The following RPH3A variants were observed in gnomAD, a reference collection of about 807,000 sequenced individuals.
The protein encoded by RPH3A is rabphilin-3A.
A neutral mutation model predicts 102.2 loss-of-function variants in RPH3A; 48 were observed. The observed-to-expected ratio is 0.47, with a 90% confidence interval of 0.37 to 0.60. The LOEUF is 0.60. Among genes scored for constraint, RPH3A ranks in the 20% least tolerant of loss-of-function variants. The pLI, the probability that RPH3A is intolerant of heterozygous loss-of-function variation, is 0.00. For missense variants in RPH3A, 781 were observed against 910.1 expected (o/e 0.86, Z 1.83); for synonymous variants, 310 against 324.3 (o/e 0.96, Z 0.47).
chr12:112,775,659 T>G (rs1223244112), intron 1 of RPH3A, among the ~76,000 whole-genome samples: 1 of 152,092 alleles, frequency 6.6e-6, no homozygotes. Context: ...GAGGGAACCA[T>G]GGACAAGGCA....
chr12:112,605,005 A>G (rs2039584903), intron 1 of RPH3A, among the ~76,000 whole-genome samples: 1 of 152,110 alleles, frequency 6.6e-6, no homozygotes, highest in Admixed American at 6.6e-5. Context: ...AGGGGAGGAG[A>G]ATTCAAGGGG....
intron 1 of RPH3A, among the ~76,000 whole-genome samples, chr12:112,775,175 A>G (rs1006217859): frequency 3.3e-5 from 5 of 152,304 alleles, no homozygotes; most frequent in East Asian, 1.9e-4. Context: ...TACCTATGTA[A>G]CAAAGCTGTA....
chr12:112,887,661 GATAA>G, intron 16 of RPH3A, 132 bp from the exon 17 acceptor site: 5 of 986,496 alleles, frequency 5.1e-6, no homozygotes, highest in Non-Finnish European at 7.4e-6. Context: ...TTGGTCCAGT[GATAA>G]ATAAACAGGA....
Position 112,869,810 on chromosome 12 carries a change from G to T in RPH3A, c.649+13G>T. 6.2e-7 allele frequency: 1 copy of T among 1,614,164 alleles called. No individual in the cohort carries two copies. Among genetic ancestry groups the T allele is most frequent in the Non-Finnish European group, 8.5e-7 (1 of 1,180,026 alleles). On this transcript the variant is annotated intron_variant, in intron 9 of 21. Coordinates refer to ENST00000389385, the MANE Select transcript of RPH3A (RefSeq NM_001143854.2). Reference sequence around the variant, plus strand: ...GGTCAGAAGACAGGTGGGTTCTGCTGACTCTGTTTTGTCATTTGAGACACG... The same window carrying T: ...GGTCAGAAGACAGGTGGGTTCTGCTTACTCTGTTTTGTCATTTGAGACACG...
chr12:112,876,829 G>A lies in RPH3A; in HGVS notation c.1134G>A (p.Glu378=). 6.2e-7 allele frequency: 1 copy of A among 1,608,908 alleles called. No homozygotes were observed. Among genetic ancestry groups the A allele is most frequent in the Non-Finnish European group, 8.5e-7 (1 of 1,177,144 alleles). ...GCCAGCCACCACCCCCAGAGGAGGA[G>A]GAAGAGGAAGCCAACAGCTACGATT... ...AARQPPPPEE[E]EEEANSYDSD... The change falls in exon 13 of 22, where the codon GAG becomes GAA. Residue 378 remains glutamate, a synonymous_variant. Coordinates refer to ENST00000389385, the MANE Select transcript of RPH3A (RefSeq NM_001143854.2).
intron 4 of RPH3A, among the ~76,000 whole-genome samples, chr12:112,846,093 G>T (rs1251001556): frequency 1.3e-5 from 2 of 152,206 alleles, no homozygotes; most frequent in African/African-American, 4.8e-5. Context: ...GGCAGGTAAA[G>T]GACGGACCAG....
chr12:112,829,664 T>C (rs1565905874), intron 3 of RPH3A, among the ~76,000 whole-genome samples: 1 of 152,206 alleles, frequency 6.6e-6, no homozygotes, highest in Non-Finnish European at 1.5e-5. Flanking sequence ...ATTTTTACCT[T>C]ATCTATGAAA....
intron 1 of RPH3A, among the ~76,000 whole-genome samples, chr12:112,647,276 G>T (rs1167010976): frequency 6.6e-6 from 1 of 152,150 alleles, no homozygotes; most frequent in Non-Finnish European, 1.5e-5. Flanking sequence ...TCTGGAGCCA[G>T]ACTGTATATT....
intron 2 of RPH3A, among the ~76,000 whole-genome samples, chr12:112,802,053 G>C (rs1433735689): frequency 6.6e-6 from 1 of 152,122 alleles, no homozygotes; most frequent in Non-Finnish European, 1.5e-5. Context: ...CAGCAACCCA[G>C]AGTATTTCTG....
chr12:112,837,923 C>T, intron 4 of RPH3A: 1 of 431,328 alleles, frequency 2.3e-6, no homozygotes, highest in Non-Finnish European at 4.6e-6. Context: ...CCCTCCCTTC[C>T]TCTATTAATA....
At chr12:112,863,794 G>C (rs772992557) in intron 5 of RPH3A, among the ~76,000 whole-genome samples, 1 of 152,258 alleles carries the variant, frequency 6.6e-6, no homozygotes, top group Non-Finnish European at 1.5e-5. Flanking sequence ...TATCACTGAA[G>C]TGTAAGCTGT....
In RPH3A at chr12:112,897,126, A is replaced by T. The variant is rs1001930318; in HGVS notation, c.*346A>T. 1 of 258,708 alleles carries T rather than the reference A, an allele frequency of 3.9e-6. No individual in the cohort carries two copies. The highest frequency in any genetic ancestry group is 2.2e-5 in the African/African-American group (1 of 45,282). 16.0% of individuals were successfully genotyped at this position (258,708 alleles called of 1,614,324 possible). A position where few individuals can be genotyped will look rare whatever the true frequency, so the allele number is the denominator to read the frequency against. ...TTTAGGACTGTTTTTAGACCCTCCT[A>T]GCCTTGAACACACACATGTACACAC... is the stretch of plus-strand genomic sequence containing the variant. On this transcript the variant is annotated 3_prime_UTR_variant, in exon 22 of 22. Coordinates refer to ENST00000389385, the MANE Select transcript of RPH3A (RefSeq NM_001143854.2).
intron 1 of RPH3A, among the ~76,000 whole-genome samples, chr12:112,614,484 G>A (rs1225080985): frequency 1.3e-5 from 2 of 150,014 alleles, no homozygotes; most frequent in East Asian, 3.9e-4. Flanking sequence ...AGAAGTTTGA[G>A]ACCAGCCTGG....
intron 2 of RPH3A, among the ~76,000 whole-genome samples, chr12:112,810,666 A>G (rs188395791): frequency 6.6e-6 from 1 of 152,300 alleles, no homozygotes; most frequent in African/African-American, 2.4e-5. Context: ...ACCCCTAAGT[A>G]TGGTATGTTG....
intron 2 of RPH3A, among the ~76,000 whole-genome samples, chr12:112,820,303 T>C (rs1396246164): frequency 6.6e-6 from 1 of 152,224 alleles, no homozygotes; most frequent in Non-Finnish European, 1.5e-5. Context: ...CAATAATTAA[T>C]GTTTACTGAG....
At chr12:112,893,616 C>A (rs2043134161) in intron 19 of RPH3A, 1 of 152,326 alleles carries the variant, frequency 6.6e-6, no homozygotes, top group South Asian at 2.1e-4. Context: ...CAGCCTCGAA[C>A]TCTGGGGCTC....
intron 1 of RPH3A, among the ~76,000 whole-genome samples, chr12:112,748,052 T>G (rs553656624): frequency 6.6e-6 from 1 of 152,248 alleles, no homozygotes; most frequent in Non-Finnish European, 1.5e-5. Context: ...CAAGGAAGGC[T>G]GGGAAATGCA....
chr12:112,701,193 G>A lies in RPH3A; in HGVS notation c.-139-90950G>A, dbSNP rs563242323. ...TTCAACCATCAAAGCCACAGAGAGG[G>A]CAGGAGGAGATGGAGTCGAGAGTAT... On this transcript the variant is annotated intron_variant, in intron 1 of 21. Transcript: ENST00000543106. Among the ~76,000 whole-genome samples the A allele has an allele frequency of 1.2e-4, 18 of 152,298 alleles. 1 individual carries two copies. The South Asian group carries it at 3.1e-3, about 26-fold the overall frequency.
At chr12:112,812,114 T>G (rs1232597305) in intron 2 of RPH3A, among the ~76,000 whole-genome samples, 1 of 152,076 alleles carries the variant, frequency 6.6e-6, no homozygotes, top group South Asian at 2.1e-4. Context: ...TTGAGTCTAA[T>G]TGGCTTGGAT....
Sources: gnomAD v4.1 joint callset for allele counts (sites outside exome capture counted in the v4.1 genomes callset) on GRCh38, gnomAD v4.1.1 for gene constraint, MANE v1.5 for transcripts, NCBI Gene and HGNC (gene_info 2026-07-23, HGNC 2026-07-21) for gene names.